CLCF1: variants seen among roughly 807,000 people sequenced by gnomAD.
CLCF1 encodes the protein cardiotrophin-like cytokine factor 1.
In CLCF1, 10 loss-of-function variants were observed where a neutral mutation model predicts 21.2. That is an observed-to-expected ratio of 0.47 (90% CI 0.29 to 0.80). The LOEUF is 0.80. CLCF1 is among the 30% of genes least tolerant of loss of function. The pLI is 0.09. For missense variants in CLCF1, 240 were observed against 293.4 expected, an observed-to-expected ratio of 0.82 and a Z score of 1.33; for synonymous variants, 115 against 120.5, an observed-to-expected ratio of 0.95 and a Z score of 0.30.
intron 1 of CLCF1, chr11:67,368,958 T>G (rs1862175034): frequency 1.9e-6 from 1 of 516,504 alleles, no homozygotes; most frequent in South Asian, 9.4e-5. Context: ...CCACCACCCC[T>G]ATAGTTCATA....
At chr11:67,367,186 CA>C (rs778644123) in intron 2 of CLCF1, among the ~76,000 whole-genome samples, 7 of 152,188 alleles carry the variant, frequency 4.6e-5, no homozygotes, top group African/African-American at 9.6e-5. Context: ...CCCCGGCCCC[CA>C]GGGGGAGGCG....
At chr11:67,366,648 C>T (rs141011378) in intron 2 of CLCF1, among the ~76,000 whole-genome samples, 5 of 152,086 alleles carry the variant, frequency 3.3e-5, no homozygotes, top group Non-Finnish European at 5.9e-5. Flanking sequence ...AGGGGAGAGG[C>T]CTGGGATAGG....
chr11:67,370,097 A>G, intron 1 of CLCF1: 1 of 985,272 alleles, frequency 1.0e-6, no homozygotes, highest in African/African-American at 1.7e-5. Flanking sequence ...CCAGAGGGAG[A>G]AGAGGTTAGG....
rs528330154 is a variant in CLCF1, at chr11:67,372,285, G to A, written c.16+1239C>T. 1.2e-4 allele frequency among the ~76,000 whole-genome samples: 18 copies of A among 152,152 alleles called. No homozygotes were observed. The East Asian group carries it at 3.5e-3, about 30-fold the overall frequency. On this transcript the variant is annotated intron_variant, in intron 1 of 2. Coordinates refer to ENST00000312438, the MANE Select transcript of CLCF1 (RefSeq NM_013246.3). The surrounding 1 kb of genome is among the most constrained non-coding windows in gnomAD (Gnocchi z 5.9). ...GGTAGCCCCTCACACCCCGGGGGGA[G>A]GGCCAGGCTGGGAGCTGGGGGAACA... is the stretch of plus-strand genomic sequence containing the variant.
At chr11:67,369,442 A>G (rs1279320199) in intron 1 of CLCF1, 2 of 985,168 alleles carry the variant, frequency 2.0e-6, no homozygotes, top group Non-Finnish European at 2.4e-6. Flanking sequence ...TTCCTCCTGG[A>G]CGCTGCTTTC....
At chr11:67,370,094 G>A (rs1221275210) in intron 1 of CLCF1, 22 of 985,276 alleles carry the variant, frequency 2.2e-5, no homozygotes, top group African/African-American at 3.5e-5. Context: ...AATCCAGAGG[G>A]AGAAGAGGTT....
intron 1 of CLCF1, 23 bp from the exon 2 acceptor site, chr11:67,367,649 G>A (rs765171910): frequency 2.5e-6 from 4 of 1,608,962 alleles, no homozygotes; most frequent in Non-Finnish European, 3.4e-6. Context: ...TGGACGAGAA[G>A]CATGAGCGCG....
rs1862082266 is a variant in CLCF1, at chr11:67,365,781, G to A, written c.184-151C>T. The A allele has an allele frequency of 9.1e-6, 11 of 1,203,828 alleles. No individual in the cohort carries two copies. The highest frequency in any genetic ancestry group is 2.5e-5 in the East Asian group (1 of 39,226). The allele number at this position is 1,203,828 out of a possible 1,614,324, so 74.6% of individuals were successfully genotyped here. On this transcript the variant is annotated intron_variant, in intron 2 of 2. Coordinates refer to ENST00000312438, the MANE Select transcript of CLCF1 (RefSeq NM_013246.3). This position sits in a 1 kb window ranked among gnomAD's most constrained non-coding sequence, Gnocchi z 5.0. ...GCTTCTTTGTTCATGGCCTCCCTGA[G>A]TTTTTCCAATAAGGATATCATTTGT...
intron 1 of CLCF1, among the ~76,000 whole-genome samples, chr11:67,371,292 T>C (rs1480810433): frequency 6.6e-6 from 1 of 152,158 alleles, no homozygotes; most frequent in Non-Finnish European, 1.5e-5. Flanking sequence ...TGGGGACACA[T>C]GGGCCTGGGA....
At chr11:67,370,519 C>A in intron 1 of CLCF1, 1 of 985,092 alleles carries the variant, frequency 1.0e-6, no homozygotes, top group Non-Finnish European at 1.2e-6. Context: ...CTAACGAGTA[C>A]AGCTCACGTT....
chr11:67,366,377 G>A (rs908119522), intron 2 of CLCF1, among the ~76,000 whole-genome samples: 2 of 152,174 alleles, frequency 1.3e-5, no homozygotes, highest in South Asian at 2.1e-4. Context: ...CCCATTTGCC[G>A]CTGACACACC....
upstream of CLCF1, chr11:67,373,612 T>A: frequency 1.6e-6 from 2 of 1,281,474 alleles, no homozygotes; most frequent in Admixed American, 8.4e-5. Context: ...GAGCCGCGGC[T>A]CCGGCGAAGC....
Position 67,365,094 on chromosome 11 carries a change from G to T in CLCF1, c.*42C>A, listed in dbSNP as rs1237450565. ...TACAGGGCTGGCTCTCACAAAGTGGGAGCAGGGTTTGAAGGGGGAGCGAAG... is the reference window on the plus strand; with the variant it reads ...TACAGGGCTGGCTCTCACAAAGTGGTAGCAGGGTTTGAAGGGGGAGCGAAG... On this transcript the variant is annotated 3_prime_UTR_variant, in exon 3 of 3. Transcript: ENST00000312438. This position sits in a 1 kb window ranked among gnomAD's most constrained non-coding sequence, Gnocchi z 5.0. The T allele has an allele frequency of 1.2e-6, 2 of 1,612,024 alleles. No individual in the cohort carries two copies. Among genetic ancestry groups the T allele is most frequent in the South Asian group, 1.1e-5 (1 of 90,908 alleles).
chr11:67,370,549 C>A (rs1017754804), intron 1 of CLCF1: 3 of 984,688 alleles, frequency 3.0e-6, no homozygotes, highest in African/African-American at 1.8e-5. Flanking sequence ...AGCCCCCCAC[C>A]CCCGGCCAGC....
At position 67,365,566 on chromosome 11, in the gene CLCF1, G is replaced by A; in HGVS notation, c.248C>T (p.Thr83Ile). Residue 83 changes from threonine to isoleucine, a missense_variant, in exon 3 of 3, where the codon ACT becomes ATT. Coordinates refer to ENST00000312438, the MANE Select transcript of CLCF1 (RefSeq NM_013246.3). This position sits in a 1 kb window ranked among gnomAD's most constrained non-coding sequence, Gnocchi z 5.0. Reference sequence around the variant, plus strand: ...CAAGTCAACAGTGGCCCTGGGCAGAGTCTCTGCCCCCAGGCGGGGAGGGTT... The same window carrying A: ...CAAGTCAACAGTGGCCCTGGGCAGAATCTCTGCCCCCAGGCGGGGAGGGTT... ...DFNPPRLGAE[T>I]LPRATVDLEV... The A allele has an allele frequency of 2.5e-6, 4 of 1,613,940 alleles. No homozygotes were observed. The highest frequency in any genetic ancestry group is 3.4e-6 in the Non-Finnish European group (4 of 1,179,814).
At chr11:67,367,182 C>T (rs998087078) in intron 2 of CLCF1, among the ~76,000 whole-genome samples, 1 of 151,846 alleles carries the variant, frequency 6.6e-6, no homozygotes, top group Non-Finnish European at 1.5e-5. Context: ...ACTTCCCCGG[C>T]CCCCAGGGGG....
At chr11:67,373,428 C>G in intron 1 of CLCF1, 96 bp downstream of exon 1, 2 of 656,458 alleles carry the variant, frequency 3.0e-6, no homozygotes, top group South Asian at 4.8e-5. Context: ...GGCCCGGCCC[C>G]GGCGCGGGGC....
Position 67,365,136 on chromosome 11 carries a change from T to G in CLCF1, c.678A>C (p.Ter226CysextTer170). 6.2e-7 allele frequency: 1 copy of G among 1,613,602 alleles called. No individual in the cohort carries two copies. The highest frequency in any genetic ancestry group is 8.5e-7 in the Non-Finnish European group (1 of 1,179,990). Residue 226 changes from the stop codon to cysteine, a stop_lost, in exon 3 of 3, where the codon TGA becomes TGC. Coordinates refer to ENST00000312438, the MANE Select transcript of CLCF1 (RefSeq NM_013246.3). The surrounding 1 kb of genome is among the most constrained non-coding windows in gnomAD (Gnocchi z 5.0). ...GGAGCGAAGAGGAGAAGGTCAGAAG[T>G]CAGAAGCCATGAGCCCCCAGGTGCA... ...VTLHLGAHGF[*>C]
intron 1 of CLCF1, chr11:67,370,914 A>G (rs1439489922): frequency 1.0e-6 from 1 of 985,466 alleles, no homozygotes; most frequent in Non-Finnish European, 1.2e-6. Context: ...GAGGCACTGC[A>G]GAGCTCCAGA....
Sources: allele counts gnomAD v4.1 joint callset (sites outside exome capture counted in the v4.1 genomes callset), GRCh38; gene constraint gnomAD v4.1.1; non-coding constraint Gnocchi (gnomAD v3.1); transcripts MANE v1.5; gene names NCBI Gene and HGNC (gene_info 2026-07-23, HGNC 2026-07-21).